Variants in MLKL observed in about 807,000 individuals in gnomAD.
The protein encoded by MLKL is mixed lineage kinase domain like pseudokinase, also known as mixed lineage kinase domain-like protein.
A neutral mutation model predicts 56.5 loss-of-function variants in MLKL; 55 were observed. The observed-to-expected ratio is 0.97, with a 90% CI of 0.78 to 1.22. MLKL has a LOEUF of 1.22. Ranked by LOEUF, MLKL falls within the 50% of genes most tolerant of loss-of-function variation. MLKL has a pLI of 0.00. For missense variants in MLKL, 694 were observed against 573.9 expected (o/e 1.21, Z -2.14); for synonymous variants, 251 against 208.3 (o/e 1.20, Z -1.76).
chr16:74,692,020 G>T (rs1960710618), intron 3 of MLKL, among the ~76,000 whole-genome samples: 1 of 152,206 alleles, frequency 6.6e-6, no homozygotes, highest in Admixed American at 6.5e-5. Context: ...ATGAATGAAT[G>T]AGTGGGCATT....
chr16:74,686,720 C>T (rs1414663747), intron 4 of MLKL, among the ~76,000 whole-genome samples: 2 of 152,218 alleles, frequency 1.3e-5, no homozygotes, highest in Non-Finnish European at 2.9e-5. Flanking sequence ...CCAATCTGTT[C>T]ATTCACTCTG....
chr16:74,695,110 G>C (rs922807985), intron 2 of MLKL, among the ~76,000 whole-genome samples, 188 bp downstream of exon 2: 2 of 152,336 alleles, frequency 1.3e-5, no homozygotes, highest in East Asian at 1.9e-4. Context: ...CTGACCTAGT[G>C]ATCAGCCCGC....
At chr16:74,675,539 C>A in intron 8 of MLKL, 74 bp downstream of exon 8, 1 of 1,575,180 alleles carries the variant, frequency 6.3e-7, no homozygotes, top group Non-Finnish European at 8.6e-7. Flanking sequence ...TTTAGGTGGT[C>A]CTTGGAGGAG....
chr16:74,695,396 C>T lies in MLKL; in HGVS notation c.362G>A (p.Arg121His), dbSNP rs764970932. 6 of 1,614,202 alleles carry T rather than the reference C, an allele frequency of 3.7e-6. No homozygotes were observed. The highest frequency in any genetic ancestry group is 1.7e-5 in the Admixed American group (1 of 60,028). The change falls in exon 2 of 11, where the codon CGC becomes CAC. Residue 121 changes from arginine (R) to histidine (H), a missense_variant. Arg to His is a conservative substitution (Grantham distance 29). Coordinates refer to ENST00000308807, the MANE Select transcript of MLKL (RefSeq NM_152649.4). Reference sequence around the variant, plus strand: ...TTGGCTTATGGGTGAAACAGGCATGCGTTGCTCAACCTGAAGTAACAGCGA... The same window carrying T: ...TTGGCTTATGGGTGAAACAGGCATGTGTTGCTCAACCTGAAGTAACAGCGA... ...ELSLLLQVEQRMPVSPISQGA... is the reference protein window; with the variant it reads ...ELSLLLQVEQHMPVSPISQGA...
At chr16:74,692,477 A>G in intron 2 of MLKL, 61 bp from the exon 3 acceptor site, 1 of 1,360,044 alleles carries the variant, frequency 7.4e-7, no homozygotes, top group South Asian at 1.2e-5. Flanking sequence ...GCCAATCAAA[A>G]CTAAAATGCT....
intron 6 of MLKL, among the ~76,000 whole-genome samples, chr16:74,680,224 G>T (rs138079362): frequency 6.6e-6 from 1 of 152,066 alleles, no homozygotes; most frequent in Non-Finnish European, 1.5e-5. Flanking sequence ...AAATAGAGCT[G>T]GTAAAAAGGA....
chr16:74,691,314 T>C lies in MLKL; in HGVS notation c.685A>G (p.Ile229Val). ...GCCTGGAGTTTTTTGAATACTTTTA[T>C]GGCCACTGGAGCTCTGTGGTATTCT... ...KGEYHRAPVAIKVFKKLQAGS... is the reference protein window; with the variant it reads ...KGEYHRAPVAVKVFKKLQAGS... The change falls in exon 4 of 11, where the codon ATA becomes GTA. Residue 229 changes from isoleucine to valine, a missense_variant. Coordinates refer to ENST00000308807, the MANE Select transcript of MLKL (RefSeq NM_152649.4). The C allele has an allele frequency of 6.2e-7, 1 of 1,612,800 alleles. No individual in the cohort carries two copies. Among genetic ancestry groups the C allele is most frequent in the Middle Eastern group, 1.7e-4 (1 of 6,046 alleles).
intron 6 of MLKL, among the ~76,000 whole-genome samples, chr16:74,679,366 G>T (rs931002117): frequency 6.6e-6 from 1 of 152,134 alleles, no homozygotes; most frequent in African/African-American, 2.4e-5. Context: ...TGTGAAGCTG[G>T]GGTCCCGCTG....
intron 1 of MLKL, among the ~76,000 whole-genome samples, chr16:74,699,929 A>G (rs1020342537): frequency 9.2e-5 from 14 of 152,198 alleles, no homozygotes; most frequent in African/African-American, 3.1e-4. Flanking sequence ...GCAACAGAGG[A>G]AGACTCCATC....
rs144764086 is a variant in MLKL at position 74,682,058 on chromosome 16, C to A, written c.956+593G>T. 3.2e-3 allele frequency among the ~76,000 whole-genome samples: 479 copies of A among 151,482 alleles called. 13 individuals carry two copies. The East Asian group carries it at 0.057, about 18-fold the overall frequency. ...CCCAGTAGTTCGAGACCAGCCTAGGCAGCATGGCAAAACCTTATCTCTACA... is the reference window on the plus strand; with the variant it reads ...CCCAGTAGTTCGAGACCAGCCTAGGAAGCATGGCAAAACCTTATCTCTACA... On this transcript the variant is annotated intron_variant, in intron 6 of 10. Coordinates refer to ENST00000308807, the MANE Select transcript of MLKL (RefSeq NM_152649.4).
rs1597479662 is a variant in MLKL, at chr16:74,675,757, C to T, written c.1046G>A (p.Gly349Glu). 6.2e-7 allele frequency: 1 copy of T among 1,614,006 alleles called. No homozygotes were observed. The highest frequency in any genetic ancestry group is 1.3e-5 in the African/African-American group (1 of 75,016). ...VTQGYQVKLA[G>E]FELRKTQTSM... ...AGTCTGTGTTTTCCTCAACTCAAAT[C>T]CTGCAAGCTAGATAGAGAGGCAACT... The change falls in exon 8 of 11, where the codon GGA (glycine) becomes GAA (glutamate). Residue 349 changes from glycine to glutamate, a missense_variant. By Grantham distance (98) the Gly-to-Glu change is moderately conservative. Coordinates refer to ENST00000308807, the MANE Select transcript of MLKL (RefSeq NM_152649.4).
At chr16:74,696,906 C>CA (rs1317412176) in intron 1 of MLKL, among the ~76,000 whole-genome samples, 1 of 141,538 alleles carries the variant, frequency 7.1e-6, no homozygotes, top group Non-Finnish European at 1.5e-5. Context: ...TGCACCATCT[C>CA]AAAAAAATGT....
chr16:74,675,282 G>A lies in MLKL; in HGVS notation c.1240+73C>T, dbSNP rs370587599. On this transcript the variant is annotated intron_variant, in intron 9 of 10. Transcript: ENST00000308807. ...ACAACAAATTGCCAGGGGCAGCACT[G>A]ATGGGGAATTTCTGGTCTACTGGAA... 9.6e-4 allele frequency: 1,537 copies of A among 1,605,770 alleles called. 1 individual carries two copies. Among genetic ancestry groups the A allele is most frequent in the Non-Finnish European group, 1.2e-3 (1,416 of 1,173,606 alleles).
intron 1 of MLKL, among the ~76,000 whole-genome samples, chr16:74,697,002 T>TGTA (rs1961085977): frequency 2.0e-5 from 3 of 146,522 alleles, no homozygotes; most frequent in Non-Finnish European, 4.5e-5. Flanking sequence ...GTAATACATA[T>TGTA]ATATAATATT....
At chr16:74,693,515 C>A (rs1960819695) in intron 2 of MLKL, among the ~76,000 whole-genome samples, 1 of 134,674 alleles carries the variant, frequency 7.4e-6, no homozygotes, top group Admixed American at 7.2e-5. Context: ...AAAAAAAGTT[C>A]TGGTGATGGA....
Position 74,700,631 on chromosome 16 carries a change from CTG to C in MLKL, c.-183_-182del, listed in dbSNP as rs1358784931. On this transcript the variant is annotated 5_prime_UTR_variant, in exon 1 of 11. Coordinates refer to ENST00000308807, the MANE Select transcript of MLKL (RefSeq NM_152649.4). ...GTGCCCGCACCCTGCACTCTGCTGA[CTG>C]TACCGGACGCCACACGTGGCTGGCG... is the stretch of plus-strand genomic sequence containing the variant. 6 of 152,432 alleles carry C rather than the reference CTG, an allele frequency of 3.9e-5. No individual in the cohort carries two copies. Among genetic ancestry groups the C allele is most frequent in the Non-Finnish European group, 8.8e-5 (6 of 68,184 alleles). 9.4% of individuals were successfully genotyped at this position (152,432 alleles called of 1,614,324 possible). A position where few individuals can be genotyped will look rare whatever the true frequency, so the allele number is the denominator to read the frequency against.
At chr16:74,691,220 C>T in intron 4 of MLKL, 57 bp downstream of exon 4, 1 of 1,491,884 alleles carries the variant, frequency 6.7e-7, no homozygotes, top group East Asian at 2.3e-5. Context: ...TCCCTCTCTC[C>T]TTGGAGAGTT....
At chr16:74,675,574 C>A in intron 8 of MLKL, 39 bp downstream of exon 8, 1 of 1,598,046 alleles carries the variant, frequency 6.3e-7, no homozygotes, top group Non-Finnish European at 8.5e-7. Context: ...TCCTATTATG[C>A]ACATCTGAGT....
At chr16:74,685,638 A>T (rs897676237) in intron 4 of MLKL, 55 bp from the exon 5 acceptor site, 7 of 1,422,068 alleles carry the variant, frequency 4.9e-6, no homozygotes, top group Non-Finnish European at 6.9e-6. Flanking sequence ...TTCCTTAGAG[A>T]ACATTCAGTG....
Sources: gnomAD v4.1 joint callset for allele counts (sites outside exome capture counted in the v4.1 genomes callset) on GRCh38, gnomAD v4.1.1 for gene constraint, MANE v1.5 for transcripts, NCBI Gene and HGNC (gene_info 2026-07-23, HGNC 2026-07-21) for gene names.